Variants in NDUFA5 observed in about 807,000 individuals in gnomAD.
NDUFA5 encodes the protein NADH:ubiquinone oxidoreductase subunit A5.
A neutral mutation model predicts 19.8 loss-of-function variants in NDUFA5; 11 were observed. The observed-to-expected ratio is 0.56, with a 90% CI of 0.35 to 0.92. NDUFA5 has a LOEUF of 0.92. NDUFA5 is among the 40% of genes least tolerant of loss of function. The pLI is 0.01. For synonymous variants in NDUFA5, 47 were observed against 46.8 expected (o/e 1.00, Z -0.01); for missense variants, 109 against 134.2 (o/e 0.81, Z 0.93).
At chr7:123,572,256 C>T in the NDUFA5 span, among the ~76,000 whole-genome samples, 1 of 146,268 alleles carries the variant, frequency 6.8e-6, no homozygotes, top group South Asian at 2.2e-4. Context: ...ATTCTCTTGC[C>T]TCAGCCTCCT....
At chr7:123,552,699 A>C (rs1798396245) in intron 2 of NDUFA5, among the ~76,000 whole-genome samples, 2 of 151,896 alleles carry the variant, frequency 1.3e-5, no homozygotes, top group African/African-American at 2.4e-5. Flanking sequence ...GTAAAGCAAA[A>C]ATAAAAAAGC....
At chr7:123,574,461 G>C in the NDUFA5 span, among the ~76,000 whole-genome samples, 1 of 152,160 alleles carries the variant, frequency 6.6e-6, no homozygotes, top group Non-Finnish European at 1.5e-5. Flanking sequence ...GTCAGGGATA[G>C]GACCTGAATA....
At chr7:123,545,483 A>C in intron 4 of NDUFA5, 128 bp downstream of exon 4, 2 of 701,002 alleles carry the variant, frequency 2.9e-6, no homozygotes, top group Non-Finnish European at 5.0e-6. Flanking sequence ...CACATTTTCT[A>C]TATGTGATTA....
intron 2 of NDUFA5, among the ~76,000 whole-genome samples, chr7:123,552,996 T>G (rs183294029): frequency 2.6e-4 from 40 of 152,354 alleles, no homozygotes; most frequent in Admixed American, 1.6e-3. Flanking sequence ...AATCTGCCTT[T>G]CTTTACCTCA....
intron 1 of NDUFA5, 109 bp from the exon 2 acceptor site, chr7:123,557,557 C>CTCTCAA: frequency 1.2e-6 from 2 of 1,611,664 alleles, no homozygotes; most frequent in Non-Finnish European, 1.7e-6. Flanking sequence ...GGTCTAAAGC[C>CTCTCAA]AGCTACTGGT....
At chr7:123,545,100 T>C (rs1027570332) in intron 4 of NDUFA5, among the ~76,000 whole-genome samples, 4 of 152,132 alleles carry the variant, frequency 2.6e-5, no homozygotes, top group African/African-American at 9.7e-5. Context: ...GCTTACATTT[T>C]ACTACTCAAT....
chr7:123,587,045 A>T, the NDUFA5 span, among the ~76,000 whole-genome samples: 1 of 151,634 alleles, frequency 6.6e-6, no homozygotes, highest in African/African-American at 2.4e-5. Flanking sequence ...TGATTTAGCC[A>T]TTTAAGGTCT....
At chr7:123,585,281 T>C in the NDUFA5 span, among the ~76,000 whole-genome samples, 5 of 151,768 alleles carry the variant, frequency 3.3e-5, no homozygotes, top group African/African-American at 1.2e-4. Flanking sequence ...AAATAAACTG[T>C]TTAACTGTTA....
chr7:123,596,722 G>A, the NDUFA5 span, among the ~76,000 whole-genome samples: 2 of 152,112 alleles, frequency 1.3e-5, no homozygotes, highest in Non-Finnish European at 2.9e-5. Context: ...TCTATAGTAT[G>A]TACTGTTAAA....
At chr7:123,586,364 T>G in the NDUFA5 span, among the ~76,000 whole-genome samples, 1 of 151,894 alleles carries the variant, frequency 6.6e-6, no homozygotes, top group African/African-American at 2.4e-5. Context: ...TGTTGGACAC[T>G]TGTATATCTT....
chr7:123,557,468 G>T lies in NDUFA5; in HGVS notation c.22-20C>A, dbSNP rs752437484. ...AGTGGTCTGTTCAAAAACAAAACAC[G>T]ATTCATGCTGTTTACTACGGTTTCC... On this transcript the variant is annotated intron_variant, in intron 1 of 4. Coordinates refer to ENST00000355749, the MANE Select transcript of NDUFA5 (RefSeq NM_005000.5). 8 of 1,612,448 alleles carry T rather than the reference G, an allele frequency of 5.0e-6. No homozygotes were observed. The highest frequency in any genetic ancestry group is 1.7e-5 in the Admixed American group (1 of 59,844).
At chr7:123,571,839 A>C in the NDUFA5 span, among the ~76,000 whole-genome samples, 4 of 152,132 alleles carry the variant, frequency 2.6e-5, no homozygotes, top group Non-Finnish European at 5.9e-5. Flanking sequence ...ATCATGACTC[A>C]CTGTAGCCTT....
At chr7:123,588,499 A>G in the NDUFA5 span, among the ~76,000 whole-genome samples, 1 of 150,264 alleles carries the variant, frequency 6.7e-6, no homozygotes, top group Non-Finnish European at 1.5e-5. Flanking sequence ...TCTCTATTTC[A>G]TTTATTTTTG....
At chr7:123,601,520 A>T in the NDUFA5 span, among the ~76,000 whole-genome samples, 2 of 152,170 alleles carry the variant, frequency 1.3e-5, no homozygotes, top group East Asian at 3.9e-4. Flanking sequence ...CAACACAAAG[A>T]CTTACAGATT....
intron 4 of NDUFA5, among the ~76,000 whole-genome samples, chr7:123,545,155 C>A (rs10245640): frequency 0.032 from 4,924 of 151,952 alleles, 239 homozygotes; most frequent in African/African-American, 0.11. Flanking sequence ...TAGAATTAAG[C>A]TCTCAAATAT....
At chr7:123,594,971 A>G in the NDUFA5 span, among the ~76,000 whole-genome samples, 1 of 152,162 alleles carries the variant, frequency 6.6e-6, no homozygotes, top group African/African-American at 2.4e-5. Context: ...CGCTTTGTTT[A>G]CACTGTGAGC....
chr7:123,572,131 CTTTTTTTTTTTTT>C, the NDUFA5 span, among the ~76,000 whole-genome samples: 5 of 47,998 alleles, frequency 1.0e-4, no homozygotes, highest in South Asian at 1.1e-3. Flanking sequence ...TGTAGAATTT[CTTTTTTTTTTTTT>C]TTTTTTTTTT....
At chr7:123,557,557 CAGCT>C in intron 1 of NDUFA5, 109 bp from the exon 2 acceptor site, 1 of 1,611,664 alleles carries the variant, frequency 6.2e-7, no homozygotes, top group Non-Finnish European at 8.5e-7. Flanking sequence ...GGTCTAAAGC[CAGCT>C]ACTGGTCTCT....
chr7:123,584,002 G>T, the NDUFA5 span, among the ~76,000 whole-genome samples: 1 of 151,826 alleles, frequency 6.6e-6, no homozygotes, highest in African/African-American at 2.4e-5. Context: ...CATAGCTCTG[G>T]TTAGCCCCGG....
Sources: gnomAD v4.1 joint callset for allele counts (sites outside exome capture counted in the v4.1 genomes callset) on GRCh38, gnomAD v4.1.1 for gene constraint, MANE v1.5 for transcripts, NCBI Gene and HGNC (gene_info 2026-07-23, HGNC 2026-07-21) for gene names.